Variants in NFE2L3 observed in about 807,000 individuals in gnomAD.
NFE2L3 encodes the protein nuclear factor erythroid 2-related factor 3.
Under a neutral mutation model 23.5 loss-of-function variants are expected in NFE2L3, and 18 were observed. The ratio of observed to expected loss-of-function variants is 0.77; its 90% CI spans 0.53 to 1.13. The LOEUF is 1.13. NFE2L3 is among the 50% of genes most tolerant of loss of function. The pLI is 0.00. For missense variants in NFE2L3, 1,152 were observed against 877.2 expected (o/e 1.31, Z -3.96); for synonymous variants, 424 against 354.5 (o/e 1.20, Z -2.20).
chr7:26,153,403 C>T (rs1196239141), intron 1 of NFE2L3, among the ~76,000 whole-genome samples: 2 of 152,170 alleles, frequency 1.3e-5, no homozygotes, highest in Admixed American at 6.5e-5. Context: ...CTCATGTACA[C>T]TGGGGTGTCG....
intron 1 of NFE2L3, among the ~76,000 whole-genome samples, chr7:26,157,792 CAG>C (rs1408508578): frequency 1.3e-5 from 2 of 152,240 alleles, no homozygotes; most frequent in Admixed American, 6.5e-5. Flanking sequence ...GTGGCTTAAA[CAG>C]AAATTTATTC....
chr7:26,185,706 G>A lies in NFE2L3; in HGVS notation c.2008G>A (p.Gly670Arg). 1 of 1,613,690 alleles carries A rather than the reference G, an allele frequency of 6.2e-7. No individual in the cohort carries two copies. Among genetic ancestry groups the A allele is most frequent in the South Asian group, 1.1e-5 (1 of 91,004 alleles). Reference sequence around the variant, plus strand: ...CTATGCTCTCCAGTGTACCCATGATGGAAGTATCTTGATAGTACCCAAAGA... The same window carrying A: ...CTATGCTCTCCAGTGTACCCATGATAGAAGTATCTTGATAGTACCCAAAGA... ...NHYALQCTHD[G>R]SILIVPKELV... Residue 670 changes from glycine to arginine, a missense_variant, in exon 4 of 4, where the codon GGA (glycine) becomes AGA (arginine). By Grantham distance (125) the Gly-to-Arg change is moderately radical. Coordinates refer to ENST00000056233, the MANE Select transcript of NFE2L3 (RefSeq NM_004289.7).
intron 2 of NFE2L3, among the ~76,000 whole-genome samples, chr7:26,182,922 G>A (rs1782360580): frequency 1.3e-5 from 2 of 152,148 alleles, no homozygotes. Context: ...CCATCCCGGA[G>A]TAGCTGGGAC....
intron 1 of NFE2L3, among the ~76,000 whole-genome samples, chr7:26,154,291 T>G (rs567133239): frequency 1.3e-5 from 2 of 152,190 alleles, no homozygotes; most frequent in Non-Finnish European, 2.9e-5. Context: ...CTGGACCCCA[T>G]GGGGTCTGTC....
intron 1 of NFE2L3, among the ~76,000 whole-genome samples, chr7:26,171,062 G>C (rs1784322437): frequency 6.6e-6 from 1 of 152,134 alleles, no homozygotes; most frequent in Non-Finnish European, 1.5e-5. Context: ...TTGTTGGTAG[G>C]AATTATAATT....
At chr7:26,171,276 T>G (rs1193921629) in intron 1 of NFE2L3, among the ~76,000 whole-genome samples, 1 of 152,180 alleles carries the variant, frequency 6.6e-6, no homozygotes, top group Non-Finnish European at 1.5e-5. Flanking sequence ...CTGGGCGTGG[T>G]GGTTCATGCC....
chr7:26,165,560 G>A (rs1196031627), intron 1 of NFE2L3, among the ~76,000 whole-genome samples: 2 of 152,296 alleles, frequency 1.3e-5, no homozygotes, highest in East Asian at 3.9e-4. Context: ...GAGACGATGG[G>A]ATTTTCTAGA....
rs1392724783 is a variant in NFE2L3 at position 26,184,307 on chromosome 7, C to T, written c.835-226C>T. 9.9e-5 allele frequency: 50 copies of T among 503,460 alleles called. No individual in the cohort carries two copies. In the Admixed American group the frequency reaches 1.6e-3, roughly 16 times the overall value. 31.2% of individuals were successfully genotyped at this position (503,460 alleles called of 1,614,324 possible). A position where few individuals can be genotyped will look rare whatever the true frequency, so the allele number is the denominator to read the frequency against. ...TAAGAAAATCCAGTCAGCTTTTATA[C>T]TAATCCATCTTAATTTCTAGGTTAC... is the stretch of plus-strand genomic sequence containing the variant. On this transcript the variant is annotated intron_variant, in intron 3 of 3. Coordinates refer to ENST00000056233, the MANE Select transcript of NFE2L3 (RefSeq NM_004289.7).
intron 1 of NFE2L3, among the ~76,000 whole-genome samples, chr7:26,153,954 A>AC (rs1784040675): frequency 1.3e-5 from 2 of 152,236 alleles, no homozygotes; most frequent in South Asian, 4.1e-4. Context: ...GCAACTGGTA[A>AC]CGATCAACCA....
At chr7:26,170,697 A>G (rs1307976584) in intron 1 of NFE2L3, among the ~76,000 whole-genome samples, 9 of 152,212 alleles carry the variant, frequency 5.9e-5, no homozygotes, top group African/African-American at 1.7e-4. Flanking sequence ...AGGAATTCCA[A>G]TGTTAAATAA....
At chr7:26,169,600 A>G (rs1232447522) in intron 1 of NFE2L3, among the ~76,000 whole-genome samples, 2 of 152,232 alleles carry the variant, frequency 1.3e-5, no homozygotes, top group Non-Finnish European at 2.9e-5. Flanking sequence ...GCATCCCACT[A>G]GCCCTGGAGG....
At chr7:26,155,417 G>C (rs376660121) in intron 1 of NFE2L3, among the ~76,000 whole-genome samples, 1 of 152,118 alleles carries the variant, frequency 6.6e-6, no homozygotes, top group Non-Finnish European at 1.5e-5. Flanking sequence ...ACTCCAGCCT[G>C]GGTGACAGAG....
rs1275093547 is a variant in NFE2L3, at chr7:26,183,209, AGCTTTGGACTTTTAAG to A, written c.751-491_751-476del. ...TATGGTAGGAATAGAAATACTGATT[AGCTTTGGACTTTTAAG>A]TATGCATGTTGAAATACTGAGTACC... On this transcript the variant is annotated intron_variant, in intron 2 of 3. Coordinates refer to ENST00000056233, the MANE Select transcript of NFE2L3 (RefSeq NM_004289.7). Among the ~76,000 whole-genome samples, 31 of 152,300 alleles carry A rather than the reference AGCTTTGGACTTTTAAG, an allele frequency of 2.0e-4. No individual in the cohort carries two copies. The East Asian group carries it at 6.0e-3, about 29-fold the overall frequency.
At chr7:26,154,147 C>T (rs1229052347) in intron 1 of NFE2L3, among the ~76,000 whole-genome samples, 1 of 152,176 alleles carries the variant, frequency 6.6e-6, no homozygotes, top group Non-Finnish European at 1.5e-5. Flanking sequence ...CGGTGATTCA[C>T]TGTTATGCTG....
Position 26,187,044 on chromosome 7 carries a change from A to C in NFE2L3, c.*1261A>C, listed in dbSNP as rs1445496496. The C allele has an allele frequency of 6.6e-6, 1 of 152,228 alleles. No individual in the cohort carries two copies. Among genetic ancestry groups the C allele is most frequent in the Non-Finnish European group, 1.5e-5 (1 of 68,034 alleles). The allele number at this position is 152,228 out of a possible 1,614,324, so 9.4% of individuals were successfully genotyped here. On this transcript the variant is annotated 3_prime_UTR_variant, in exon 4 of 4. Coordinates refer to ENST00000056233, the MANE Select transcript of NFE2L3 (RefSeq NM_004289.7). Reference sequence around the variant, plus strand: ...TGCCATAGGAGCTACAGTGTAGAGTATCACATAAGTATCTTGGGCTAGAGA... The same window carrying C: ...TGCCATAGGAGCTACAGTGTAGAGTCTCACATAAGTATCTTGGGCTAGAGA...
Position 26,185,387 on chromosome 7 carries a change from T to C in NFE2L3, c.1689T>C (p.Asn563=), listed in dbSNP as rs1296522469. 1 of 1,614,038 alleles carries C rather than the reference T, an allele frequency of 6.2e-7. No individual in the cohort carries two copies. Among genetic ancestry groups the C allele is most frequent in the Non-Finnish European group, 8.5e-7 (1 of 1,179,998 alleles). The change falls in exon 4 of 4, where the codon AAT becomes AAC. Residue 563 remains asparagine (N), a synonymous_variant. Coordinates refer to ENST00000056233, the MANE Select transcript of NFE2L3 (RefSeq NM_004289.7). Reference sequence around the variant, plus strand: ...TCGGCATGCCTGTTGATTCTTTCAATAGCATGTTAAGTAGATATTATCTGA... The same window carrying C: ...TCGGCATGCCTGTTGATTCTTTCAACAGCATGTTAAGTAGATATTATCTGA... ...EIVGMPVDSF[N]SMLSRYYLTD...
chr7:26,155,332 C>T (rs1784064301), intron 1 of NFE2L3, among the ~76,000 whole-genome samples: 3 of 152,072 alleles, frequency 2.0e-5, no homozygotes, highest in Admixed American at 2.0e-4. Flanking sequence ...GTCCCAGCTA[C>T]TCGGGAGGCT....
chr7:26,157,073 C>T (rs907091580), intron 1 of NFE2L3, among the ~76,000 whole-genome samples: 3 of 151,870 alleles, frequency 2.0e-5, no homozygotes, highest in Non-Finnish European at 4.4e-5. Flanking sequence ...GATCGCTCTA[C>T]TGCACTCCAG....
At chr7:26,153,592 C>G (rs1024544486) in intron 1 of NFE2L3, among the ~76,000 whole-genome samples, 4 of 152,208 alleles carry the variant, frequency 2.6e-5, no homozygotes, top group South Asian at 4.1e-4. Context: ...AGGGTCTATT[C>G]AGAGGCCAGC....
Sources: gnomAD v4.1 joint callset for allele counts (sites outside exome capture counted in the v4.1 genomes callset) on GRCh38, gnomAD v4.1.1 for gene constraint, MANE v1.5 for transcripts, NCBI Gene and HGNC (gene_info 2026-07-23, HGNC 2026-07-21) for gene names.